Variants in IDI1 observed in about 807,000 individuals in gnomAD.
The protein encoded by IDI1 is isopentenyl-diphosphate Delta-isomerase 1.
Under a neutral mutation model 32.9 loss-of-function variants are expected in IDI1, and 23 were observed. That is an observed-to-expected ratio of 0.70 (90% CI 0.50 to 0.99). IDI1 has a LOEUF of 0.99. Ranked by LOEUF, IDI1 falls within the 50% of genes least tolerant of loss-of-function variation. IDI1 has a pLI of 0.00. For missense variants in IDI1, 326 were observed against 351.9 expected (o/e 0.93, Z 0.59); for synonymous variants, 133 against 128.2 (o/e 1.04, Z -0.25).
At chr10:1,056,100 C>T in the IDI1 span, among the ~76,000 whole-genome samples, 1 of 152,164 alleles carries the variant, frequency 6.6e-6, no homozygotes, top group Non-Finnish European at 1.5e-5. Flanking sequence ...AGCCACCGCG[C>T]CTGGCCTTGA....
intron 1 of IDI1, among the ~76,000 whole-genome samples, chr10:1,044,777 C>A (rs1311371193): frequency 6.6e-6 from 1 of 152,158 alleles, no homozygotes; most frequent in African/African-American, 2.4e-5. Context: ...TTGTCAATTT[C>A]CCCCAGGACA....
upstream of IDI1, among the ~76,000 whole-genome samples, chr10:1,052,468 T>C (rs1317792106): frequency 1.3e-5 from 2 of 152,264 alleles, no homozygotes; most frequent in Admixed American, 6.5e-5. Context: ...TCTTGAGCTA[T>C]GGGCTGCAAA....
upstream of IDI1, among the ~76,000 whole-genome samples, chr10:1,050,964 C>A (rs1832995232): frequency 6.6e-6 from 1 of 152,216 alleles, no homozygotes; most frequent in African/African-American, 2.4e-5. Context: ...CTTGGTTATT[C>A]TTTTTCGATA....
At chr10:1,054,279 C>G in the IDI1 span, among the ~76,000 whole-genome samples, 1 of 152,148 alleles carries the variant, frequency 6.6e-6, no homozygotes, top group African/African-American at 2.4e-5. Context: ...CACATGAAAA[C>G]AGTTGTGCCT....
Position 1,040,716 on chromosome 10 carries a change from A to C in IDI1, c.*471T>G, listed in dbSNP as rs1832540659. 1 of 154,690 alleles carries C rather than the reference A, an allele frequency of 6.5e-6. No individual in the cohort carries two copies. Among genetic ancestry groups the C allele is most frequent in the Non-Finnish European group, 1.4e-5 (1 of 69,630 alleles). The allele number at this position is 154,690 out of a possible 1,614,324, so 9.6% of individuals were successfully genotyped here. On this transcript the variant is annotated 3_prime_UTR_variant, in exon 5 of 5. Transcript: ENST00000381344. ...AATCTGCTAATATGAAAGTTAATTA[A>C]GACTGTTTTGAAGGAGCGAGACAAT... is the stretch of plus-strand genomic sequence containing the variant.
chr10:1,056,371 G>C, the IDI1 span: 1 of 152,268 alleles, frequency 6.6e-6, no homozygotes, highest in Non-Finnish European at 1.5e-5. Flanking sequence ...AAAGCTTCAG[G>C]ACGCTGGTGA....
chr10:1,043,740 G>C (rs565375509), intron 2 of IDI1: 1 of 660,208 alleles, frequency 1.5e-6, no homozygotes, highest in Non-Finnish European at 2.8e-6. Flanking sequence ...GGCTGCTGCT[G>C]TATGTCAGGG....
upstream of IDI1, among the ~76,000 whole-genome samples, chr10:1,052,972 G>A (rs1296798504): frequency 6.6e-6 from 1 of 152,172 alleles, no homozygotes; most frequent in African/African-American, 2.4e-5. Flanking sequence ...ATCTTAGGTA[G>A]ATCTCCTAGA....
Position 1,049,103 on chromosome 10 carries a change from G to GA in IDI1, c.-101dup. 1.4e-6 allele frequency: 2 copies of GA among 1,405,404 alleles called. No homozygotes were observed. Among genetic ancestry groups the GA allele is most frequent in the Non-Finnish European group, 1.8e-6 (2 of 1,087,170 alleles). The allele number at this position is 1,405,404 out of a possible 1,614,324, so 87.1% of individuals were successfully genotyped here. On this transcript the variant is annotated 5_prime_UTR_variant, in exon 1 of 5. Transcript: ENST00000381344. ...TGGCCTGTGACAACGGCAGACGCGC[G>GA]AAGCACCGGGAACCTGAGCCGTGAC...
chr10:1,046,271 A>G (rs531867363), intron 1 of IDI1, among the ~76,000 whole-genome samples: 105 of 152,344 alleles, frequency 6.9e-4, no homozygotes, highest in Middle Eastern at 3.4e-3. Context: ...CCATAAAATT[A>G]TAACAGAACT....
rs565545168 is a variant in IDI1, at chr10:1,042,716, G to A, written c.453C>T (p.Ala151=). Residue 151 remains alanine, a synonymous_variant, in exon 4 of 5, where the codon GCC becomes GCT. Coordinates refer to ENST00000381344, the MANE Select transcript of IDI1 (RefSeq NM_004508.4). ...TCCSHPLSNP[A]ELEESDALGV... ...CAAGGGCGTCACTTTCCTCAAGCTC[G>A]GCTGGATTGCTTAATGGATGACTAC... 18 of 1,613,786 alleles carry A rather than the reference G, an allele frequency of 1.1e-5. No homozygotes were observed. Among genetic ancestry groups the A allele is most frequent in the Middle Eastern group, 1.7e-4 (1 of 6,052 alleles).
rs1383068648 is a variant in IDI1 at position 1,048,972 on chromosome 10, A to G, written c.32T>C (p.Ile11Thr). ...GCCCCGCCCCCGGGCCGCGCAGCCAATCGCTCGCGCCAGCGCCAGTCCACG... is the reference window on the plus strand; with the variant it reads ...GCCCCGCCCCCGGGCCGCGCAGCCAGTCGCTCGCGCCAGCGCCAGTCCACG... MWRGLALARA[I>T]GCAARGRGQW... The change falls in exon 1 of 5, where the codon ATT becomes ACT. Residue 11 changes from isoleucine (I) to threonine (T), a missense_variant. This residue lies in a region of IDI1 where 121 missense variants were observed against 78.4 expected (regional missense o/e 1.54). Coordinates refer to ENST00000381344, the MANE Select transcript of IDI1 (RefSeq NM_004508.4). 3 of 1,542,650 alleles carry G rather than the reference A, an allele frequency of 1.9e-6. No homozygotes were observed. The highest frequency in any genetic ancestry group is 2.6e-6 in the Non-Finnish European group (3 of 1,149,122).
At position 1,044,157 on chromosome 10, in the gene IDI1, A is replaced by T; in HGVS notation, c.155T>A (p.Ile52Asn). The T allele has an allele frequency of 6.2e-7, 1 of 1,613,288 alleles. No homozygotes were observed. Among genetic ancestry groups the T allele is most frequent in the African/African-American group, 1.3e-5 (1 of 74,970 alleles). ...TTCAGGCATCATTACAAAATGTCTG[A>T]TCTGTTCTAGAACACTAATATTAAA... ...GRRLISVLEQ[I>N]RHFVMMPEIN... Residue 52 changes from isoleucine to asparagine, a missense_variant, in exon 2 of 5, where the codon ATC becomes AAC. Ile to Asn is a moderately radical substitution (Grantham distance 149, BLOSUM62 -3). Coordinates refer to ENST00000381344, the MANE Select transcript of IDI1 (RefSeq NM_004508.4).
rs907245348 is a variant in IDI1, at chr10:1,039,750, A to T, written c.*1437T>A. On this transcript the variant is annotated 3_prime_UTR_variant, in exon 5 of 5. Transcript: ENST00000381344. ...CATGTCCAATTCAGTAGCCATGGCA[A>T]CTCATAGTTATCACATAACTAATTA... 3 of 152,246 alleles carry T rather than the reference A, an allele frequency of 2.0e-5. No homozygotes were observed. The highest frequency in any genetic ancestry group is 7.2e-5 in the African/African-American group (3 of 41,466). The allele number at this position is 152,246 out of a possible 1,614,324, so 9.4% of individuals were successfully genotyped here.
upstream of IDI1, among the ~76,000 whole-genome samples, chr10:1,049,876 C>T (rs1264083269): frequency 6.6e-6 from 1 of 152,204 alleles, no homozygotes; most frequent in African/African-American, 2.4e-5. Flanking sequence ...TGGTCTGGAA[C>T]TCCTGACCTC....
In IDI1 at chr10:1,049,039, C is replaced by T; in HGVS notation, c.-36G>A. On this transcript the variant is annotated 5_prime_UTR_variant, in exon 1 of 5. Transcript: ENST00000381344. The stretch of plus-strand genomic sequence containing the variant: ...ATTGGCGCCCGTACGCGCTTGACGA[C>T]ACAATCTCGCCAAGCTTCGCCTGGT... 6.9e-7 allele frequency: 1 copy of T among 1,459,656 alleles called. No individual in the cohort carries two copies. The highest frequency in any genetic ancestry group is 1.4e-5 in the South Asian group (1 of 72,416). The allele number at this position is 1,459,656 out of a possible 1,614,324, so 90.4% of individuals were successfully genotyped here.
At chr10:1,043,933 T>C (rs1832709393) in intron 2 of IDI1, 66 bp downstream of exon 2, 1 of 1,360,974 alleles carries the variant, frequency 7.3e-7, no homozygotes, top group African/African-American at 1.4e-5. Context: ...AACAGAGTGC[T>C]CTTCTCAGCA....
rs1832562828 is a variant in IDI1 at position 1,041,073 on chromosome 10, AAATGATAGAACTAAATTTAATGATAAATT to A, written c.*85_*113del. On this transcript the variant is annotated 3_prime_UTR_variant, in exon 5 of 5. Transcript: ENST00000381344. ...TATATAATACATTAATGATAGTACC[AAATGATAGAACTAAATTTAATGATAAATT>A]AATGATAGAACTAAATTTAAAAGGA... is the stretch of plus-strand genomic sequence containing the variant. 4.5e-6 allele frequency: 3 copies of A among 672,166 alleles called. No individual in the cohort carries two copies. The highest frequency in any genetic ancestry group is 7.5e-6 in the Non-Finnish European group (3 of 401,944). 41.6% of individuals were successfully genotyped at this position (672,166 alleles called of 1,614,324 possible). A position where few individuals can be genotyped will look rare whatever the true frequency, so the allele number is the denominator to read the frequency against.
chr10:1,048,514 G>C (rs973249610), intron 1 of IDI1: 3 of 1,262,070 alleles, frequency 2.4e-6, no homozygotes, highest in Middle Eastern at 3.3e-4. Context: ...TCTCTAAGGG[G>C]AGACTCGCAA....
Sources: allele counts gnomAD v4.1 joint callset (sites outside exome capture counted in the v4.1 genomes callset), GRCh38; gene constraint gnomAD v4.1.1; regional missense constraint gnomAD v4.1.1; transcripts MANE v1.5; gene names NCBI Gene and HGNC (gene_info 2026-07-23, HGNC 2026-07-21).